Variants in DOK5 observed in about 807,000 individuals in gnomAD.
The protein encoded by DOK5 is downstream of tyrosine kinase 5.
A neutral mutation model predicts 43.3 loss-of-function variants in DOK5; 27 were observed. The ratio of observed to expected loss-of-function variants is 0.62; its 90% confidence interval spans 0.46 to 0.86. DOK5 has a LOEUF of 0.86. Among genes scored for constraint, DOK5 ranks in the 40% least tolerant of loss-of-function variants. DOK5 has a pLI of 0.00. For synonymous variants in DOK5, 146 were observed against 140.1 expected (o/e 1.04, Z -0.30); for missense variants, 373 against 392.9 (o/e 0.95, Z 0.43).
chr20:54,497,939 G>A (rs1211428570), intron 1 of DOK5, among the ~76,000 whole-genome samples: 1 of 152,102 alleles, frequency 6.6e-6, no homozygotes, highest in Non-Finnish European at 1.5e-5. Context: ...AACAGTGGTT[G>A]GAAGGTGATT....
chr20:54,589,132 T>C (rs531757539), intron 4 of DOK5, among the ~76,000 whole-genome samples: 2 of 152,214 alleles, frequency 1.3e-5, no homozygotes, highest in African/African-American at 4.8e-5. Context: ...GGTGTAGGTA[T>C]AATTACTTCC....
intron 1 of DOK5, among the ~76,000 whole-genome samples, chr20:54,496,695 G>A (rs2036095100): frequency 6.6e-6 from 1 of 150,630 alleles, no homozygotes; most frequent in Admixed American, 6.6e-5. Flanking sequence ...GAACACGGGA[G>A]GTGGAGCTTG....
At chr20:54,549,797 T>A (rs1984463666) in intron 1 of DOK5, among the ~76,000 whole-genome samples, 1 of 152,230 alleles carries the variant, frequency 6.6e-6, no homozygotes, top group South Asian at 2.1e-4. Flanking sequence ...GCATGATTTT[T>A]GCATACCTTT....
At chr20:54,501,466 C>CA (rs76224592) in intron 1 of DOK5, among the ~76,000 whole-genome samples, 2,017 of 18,898 alleles carry the variant, frequency 0.11, 176 homozygotes, top group African/African-American at 0.25. Flanking sequence ...GACTCACTCT[C>CA]AAAAAAAAAA....
chr20:54,577,461 A>G (rs1349920984), intron 2 of DOK5, among the ~76,000 whole-genome samples: 1 of 152,238 alleles, frequency 6.6e-6, no homozygotes, highest in Non-Finnish European at 1.5e-5. Flanking sequence ...AACTGCTAAA[A>G]TAAAACTGAT....
chr20:54,645,539 C>T (rs1419260660), intron 7 of DOK5, among the ~76,000 whole-genome samples: 1 of 152,132 alleles, frequency 6.6e-6, no homozygotes, highest in African/African-American at 2.4e-5. Flanking sequence ...CGTCCCTCAT[C>T]CTAGTTAACT....
At chr20:54,577,091 A>G (rs1985475234) in intron 2 of DOK5, among the ~76,000 whole-genome samples, 1 of 152,156 alleles carries the variant, frequency 6.6e-6, no homozygotes. Context: ...GGAAAAACAT[A>G]CTTGTTTTAG....
chr20:54,577,692 C>G (rs2146754953), intron 2 of DOK5, among the ~76,000 whole-genome samples: 1 of 152,320 alleles, frequency 6.6e-6, no homozygotes, highest in Admixed American at 6.5e-5. Context: ...ATCTCTCACT[C>G]TTGTTACATG....
intron 2 of DOK5, among the ~76,000 whole-genome samples, chr20:54,583,985 CAA>C (rs56957710): frequency 3.3e-4 from 41 of 124,902 alleles, no homozygotes; most frequent in African/African-American, 9.7e-4. Context: ...ACTAAAAATA[CAA>C]AAAAAAAAAA....
chr20:54,581,391 GAAA>G (rs59020203), intron 2 of DOK5, among the ~76,000 whole-genome samples: 10 of 140,632 alleles, frequency 7.1e-5, no homozygotes, highest in African/African-American at 2.5e-4. Context: ...TCCTATTTCT[GAAA>G]AAAAAAAAAG....
chr20:54,605,470 G>T (rs1986442185), intron 5 of DOK5, among the ~76,000 whole-genome samples: 1 of 152,176 alleles, frequency 6.6e-6, no homozygotes, highest in Admixed American at 6.5e-5. Flanking sequence ...TGGGGGCTCA[G>T]CCCCGCAGGC....
At chr20:54,533,745 C>A (rs912907114) in intron 1 of DOK5, among the ~76,000 whole-genome samples, 11 of 152,056 alleles carry the variant, frequency 7.2e-5, no homozygotes, top group African/African-American at 2.7e-4. Context: ...CTGAACCTCT[C>A]TTAATATTAA....
intron 6 of DOK5, among the ~76,000 whole-genome samples, chr20:54,622,978 C>T (rs1274921154): frequency 6.6e-6 from 1 of 152,126 alleles, no homozygotes; most frequent in African/African-American, 2.4e-5. Context: ...CAGGACCCTT[C>T]TAAGCACAGA....
At chr20:54,646,869 C>A (rs944228470) in intron 7 of DOK5, among the ~76,000 whole-genome samples, 3 of 148,066 alleles carry the variant, frequency 2.0e-5, no homozygotes, top group Non-Finnish European at 4.4e-5. Flanking sequence ...CTGGCCAATT[C>A]ACCTACATTG....
chr20:54,643,890 A>C (rs1053277556), intron 7 of DOK5, among the ~76,000 whole-genome samples: 6 of 152,224 alleles, frequency 3.9e-5, no homozygotes, highest in Non-Finnish European at 7.3e-5. Context: ...CACTTTTAAC[A>C]GACCGTACAC....
chr20:54,587,162 G>A (rs1985831593), intron 2 of DOK5, among the ~76,000 whole-genome samples: 1 of 152,202 alleles, frequency 6.6e-6, no homozygotes, highest in Non-Finnish European at 1.5e-5. Flanking sequence ...TGTATCTGGT[G>A]AGTCCTGAGG....
At chr20:54,627,773 G>A (rs989598398) in intron 6 of DOK5, among the ~76,000 whole-genome samples, 16 of 152,208 alleles carry the variant, frequency 1.1e-4, no homozygotes, top group African/African-American at 3.9e-4. Context: ...GCATTGAAAT[G>A]CACATTTCTG....
rs958492840 is a variant in DOK5, at chr20:54,563,686, T to A, written c.174+8646T>A. Among the ~76,000 whole-genome samples, 6 of 143,322 alleles carry A rather than the reference T, an allele frequency of 4.2e-5. No homozygotes were observed. In the South Asian group the frequency reaches 8.5e-4, roughly 20 times the overall value. 94.0% of individuals were successfully genotyped at this position (143,322 alleles called of 152,430 possible). On this transcript the variant is annotated intron_variant, in intron 2 of 7. Coordinates refer to ENST00000262593, the MANE Select transcript of DOK5 (RefSeq NM_018431.5). ...CAGGTTTTTTTTTTTTTTTTTTTTT[T>A]ACTTTCATGTTATTCAATACCAGAT...
At chr20:54,530,935 T>C (rs1438813500) in intron 1 of DOK5, among the ~76,000 whole-genome samples, 1 of 152,132 alleles carries the variant, frequency 6.6e-6, no homozygotes, top group East Asian at 1.9e-4. Flanking sequence ...GATCAGAAGA[T>C]GTGTATATTA....
Sources: gnomAD v4.1 joint callset for allele counts (sites outside exome capture counted in the v4.1 genomes callset) on GRCh38, gnomAD v4.1.1 for gene constraint, MANE v1.5 for transcripts, NCBI Gene and HGNC (gene_info 2026-07-23, HGNC 2026-07-21) for gene names.